TUBGCP3: variants seen among roughly 807,000 people sequenced by gnomAD.
The protein encoded by TUBGCP3 is gamma-tubulin complex component 3.
TUBGCP3 carries 50 observed loss-of-function variants against 123.1 expected under a neutral mutation model. The ratio of observed to expected loss-of-function variants is 0.41; its 90% CI spans 0.32 to 0.51. The LOEUF (loss-of-function observed/expected upper bound fraction) is 0.51, where lower values mean the gene tolerates loss of function less well. Among genes scored for constraint, TUBGCP3 ranks in the 20% least tolerant of loss-of-function variants. The pLI is 0.36. For missense variants in TUBGCP3, 882 were observed against 1,127.0 expected, an observed-to-expected ratio of 0.78 and a Z score of 3.11; for synonymous variants, 405 against 413.9, an observed-to-expected ratio of 0.98 and a Z score of 0.26.
At chr13:112,490,839 C>G (rs1379521367) in intron 20 of TUBGCP3, among the ~76,000 whole-genome samples, 2 of 152,208 alleles carry the variant, frequency 1.3e-5, no homozygotes, top group African/African-American at 2.4e-5. Context: ...CTCAGCACAG[C>G]TGACCTGACG....
intron 20 of TUBGCP3, among the ~76,000 whole-genome samples, chr13:112,493,989 C>T (rs1880346900): frequency 6.6e-6 from 1 of 150,678 alleles, no homozygotes; most frequent in Admixed American, 6.6e-5. Context: ...GTGCCTGAGA[C>T]ACTCTAGCTT....
Position 112,524,609 on chromosome 13 carries a change from T to C in TUBGCP3, c.1556-2100A>G, listed in dbSNP as rs1876897605. ...ACATCTATCTCTATTCCAGGAACAA[T>C]CTGGGGTCTATGTACCCCCCCACAA... On this transcript the variant is annotated intron_variant, in intron 13 of 21. Transcript: ENST00000261965. This position sits in a 1 kb window ranked among gnomAD's most constrained non-coding sequence, Gnocchi z 4.4. 6.6e-6 allele frequency among the ~76,000 whole-genome samples: 1 copy of C among 152,194 alleles called. No homozygotes were observed. Among genetic ancestry groups the C allele is most frequent in the African/African-American group, 2.4e-5 (1 of 41,448 alleles).
intron 2 of TUBGCP3, among the ~76,000 whole-genome samples, chr13:112,568,607 A>T (rs556286688): frequency 6.6e-6 from 1 of 152,360 alleles, no homozygotes; most frequent in Non-Finnish European, 1.5e-5. Flanking sequence ...GCCAACATCT[A>T]CTCCACTTGG....
At chr13:112,494,873 C>T (rs952864581) in intron 20 of TUBGCP3, among the ~76,000 whole-genome samples, 2 of 152,190 alleles carry the variant, frequency 1.3e-5, no homozygotes, top group East Asian at 1.9e-4. Flanking sequence ...TGTCTTCTTT[C>T]GAGAAATGTC....
At chr13:112,584,286 A>C (rs1044635438) in intron 1 of TUBGCP3, 4 of 152,246 alleles carry the variant, frequency 2.6e-5, no homozygotes, top group Admixed American at 1.3e-4. Flanking sequence ...ATCTATCCAC[A>C]GTTACCATAT....
chr13:112,510,229 C>T (rs937989241), intron 17 of TUBGCP3, among the ~76,000 whole-genome samples: 21 of 152,152 alleles, frequency 1.4e-4, no homozygotes, highest in African/African-American at 5.1e-4. Context: ...ACTCAAACAC[C>T]GGCTCTTAAG....
At chr13:112,498,773 C>A in intron 20 of TUBGCP3, 1 of 1,540,730 alleles carries the variant, frequency 6.5e-7, no homozygotes, top group Non-Finnish European at 8.8e-7. Flanking sequence ...GGCATTGTGG[C>A]ACTCAGTAAT....
upstream of TUBGCP3, among the ~76,000 whole-genome samples, chr13:112,590,255 C>T (rs536073642): frequency 1.5e-4 from 23 of 152,268 alleles, no homozygotes; most frequent in African/African-American, 4.8e-4. Flanking sequence ...GGATTACAGG[C>T]GTGAGCCACC....
intron 8 of TUBGCP3, 98 bp from the exon 9 acceptor site, chr13:112,548,274 G>T: frequency 2.5e-6 from 2 of 814,152 alleles, no homozygotes; most frequent in African/African-American, 1.7e-5. Context: ...AAGTTCAGGT[G>T]GGGTGCTACA....
rs982351649 is a variant in TUBGCP3, at chr13:112,559,419, T to C, written c.253-20A>G. 4 of 1,583,716 alleles carry C rather than the reference T, an allele frequency of 2.5e-6. No individual in the cohort carries two copies. Among genetic ancestry groups the C allele is most frequent in the Non-Finnish European group, 2.6e-6 (3 of 1,158,140 alleles). ...AACTCCCTGTTTGGAAAAAAGTTAA[T>C]ATTAAAAGAACGATTTTATACTACT... On this transcript the variant is annotated intron_variant, in intron 3 of 21. Transcript: ENST00000261965.
Position 112,554,119 on chromosome 13 carries a change from T to C in TUBGCP3, c.904A>G (p.Asn302Asp). 3 of 1,614,188 alleles carry C rather than the reference T, an allele frequency of 1.9e-6. No homozygotes were observed. The highest frequency in any genetic ancestry group is 1.7e-6 in the Non-Finnish European group (2 of 1,180,030). Reference protein sequence around the residue: ...VRLSELGWLHNKIRRYTDQRS... With the variant: ...VRLSELGWLHDKIRRYTDQRS... Reference sequence around the variant, plus strand: ...TGGTCCGTGTATCTTCTGATTTTATTATGCAACCATCCCAACTCAGAAAGC... The same window carrying C: ...TGGTCCGTGTATCTTCTGATTTTATCATGCAACCATCCCAACTCAGAAAGC... Residue 302 changes from asparagine to aspartate, a missense_variant, in exon 8 of 22, where the codon AAT becomes GAT. Asn to Asp is a conservative substitution (Grantham distance 23, BLOSUM62 1). Coordinates refer to ENST00000261965, the MANE Select transcript of TUBGCP3 (RefSeq NM_006322.6).
chr13:112,549,294 T>C (rs573726961), intron 8 of TUBGCP3, among the ~76,000 whole-genome samples: 5 of 151,326 alleles, frequency 3.3e-5, no homozygotes, highest in Non-Finnish European at 5.9e-5. Flanking sequence ...ATGAGAACAC[T>C]TGGACACAGG....
intron 3 of TUBGCP3, among the ~76,000 whole-genome samples, chr13:112,564,266 A>G (rs1880772482): frequency 6.6e-6 from 1 of 152,270 alleles, no homozygotes; most frequent in Non-Finnish European, 1.5e-5. Flanking sequence ...TTGTTTCCAG[A>G]GCACAATATA....
Position 112,504,148 on chromosome 13 carries a change from A to G in TUBGCP3, c.2191T>C (p.Trp731Arg). ...YITFEVLECS[W>R]DELWNKVQQA... Reference sequence around the variant, plus strand: ...TGGACTTTGTTCCAAAGCTCATCCCAAGAACATTCAAGCACCTGGGAAACA... The same window carrying G: ...TGGACTTTGTTCCAAAGCTCATCCCGAGAACATTCAAGCACCTGGGAAACA... The change falls in exon 19 of 22, where the codon TGG becomes CGG. Residue 731 changes from tryptophan to arginine, a missense_variant. Around this residue, in one of 3 missense-constraint regions of TUBGCP3, gnomAD observed 160 missense variants for 220.3 expected, o/e 0.73. Coordinates refer to ENST00000261965, the MANE Select transcript of TUBGCP3 (RefSeq NM_006322.6). The G allele has an allele frequency of 6.2e-7, 1 of 1,614,154 alleles. No homozygotes were observed. The highest frequency in any genetic ancestry group is 8.5e-7 in the Non-Finnish European group (1 of 1,180,038).
the TUBGCP3 span, among the ~76,000 whole-genome samples, chr13:112,593,769 A>G: frequency 7.2e-5 from 11 of 152,214 alleles, no homozygotes; most frequent in East Asian, 2.1e-3. Flanking sequence ...AGTTGATTCT[A>G]GGAAAACAAA....
chr13:112,587,782 C>T, intron 1 of TUBGCP3, 123 bp downstream of exon 1: 1 of 848,660 alleles, frequency 1.2e-6, no homozygotes, highest in Non-Finnish European at 1.7e-6. Context: ...CTCGGCCCGT[C>T]CCCCAGCCCT....
At chr13:112,562,652 A>G (rs2873465) in intron 3 of TUBGCP3, among the ~76,000 whole-genome samples, 23,881 of 152,066 alleles carry the variant, frequency 0.16, 2,108 homozygotes, top group Non-Finnish European at 0.21. Flanking sequence ...GAGATCTGGC[A>G]GAGGAAACCA....
chr13:112,572,109 T>C (rs181966167), intron 1 of TUBGCP3, among the ~76,000 whole-genome samples: 1 of 152,336 alleles, frequency 6.6e-6, no homozygotes, highest in Admixed American at 6.5e-5. Flanking sequence ...CTTTTCCTAT[T>C]CAATCACAAC....
At chr13:112,531,695 C>A (rs1877590436) in intron 11 of TUBGCP3, among the ~76,000 whole-genome samples, 2 of 152,120 alleles carry the variant, frequency 1.3e-5, no homozygotes, top group Admixed American at 6.5e-5. Flanking sequence ...TATGAAAGCA[C>A]TGCTTCATCT....
Sources: allele counts gnomAD v4.1 joint callset (sites outside exome capture counted in the v4.1 genomes callset), GRCh38; gene constraint gnomAD v4.1.1; regional missense constraint gnomAD v4.1.1; non-coding constraint Gnocchi (gnomAD v3.1); transcripts MANE v1.5; gene names NCBI Gene and HGNC (gene_info 2026-07-23, HGNC 2026-07-21).